Variants in ATP7B observed in about 807,000 individuals in gnomAD.
The protein encoded by ATP7B is ATPase copper transporting beta.
A neutral mutation model predicts 118.9 loss-of-function variants in ATP7B; 113 were observed. The ratio of observed to expected loss-of-function variants is 0.95; its 90% confidence interval spans 0.82 to 1.11. ATP7B has a LOEUF of 1.11. Among genes scored for constraint, ATP7B ranks in the 50% most tolerant of loss-of-function variants. ATP7B has a pLI of 0.00. For synonymous variants in ATP7B, 777 were observed against 727.4 expected (o/e 1.07, Z -1.10); for missense variants, 1,867 against 1,871.4 (o/e 1.00, Z 0.04).
chr13:51,975,489 T>C, intron 1 of ATP7B: 2 of 540,904 alleles, frequency 3.7e-6, no homozygotes, highest in Non-Finnish European at 7.3e-6. Flanking sequence ...ACGGCTGGCC[T>C]GCAGCAGAGG....
chr13:51,937,382 C>T lies in ATP7B; in HGVS notation c.3915G>A (p.Leu1305=). The T allele has an allele frequency of 6.2e-7, 1 of 1,614,236 alleles. No individual in the cohort carries two copies. The highest frequency in any genetic ancestry group is 1.6e-4 in the Middle Eastern group (1 of 6,062). The change falls in exon 19 of 21, where the codon CTG becomes CTA. Residue 1305 remains leucine, a synonymous_variant. Coordinates refer to ENST00000242839, the MANE Select transcript of ATP7B (RefSeq NM_000053.4). The part of the protein sequence containing the change: ...ADVVLIRNDL[L]DVVASIHLSK... The stretch of plus-strand genomic sequence containing the variant: ...AAAGGTGAATGCTAGCCACCACATC[C>T]AGCAAATCATTCTGATGGAGAGGAG...
intron 2 of ATP7B, among the ~76,000 whole-genome samples, chr13:51,972,617 C>A (rs1468140668): frequency 1.3e-5 from 2 of 152,184 alleles, no homozygotes; most frequent in African/African-American, 4.8e-5. Context: ...CGGCCTCCTA[C>A]GTGGTCTCAT....
intron 13 of ATP7B, among the ~76,000 whole-genome samples, chr13:51,945,544 G>A (rs1957592112): frequency 6.6e-6 from 1 of 152,170 alleles, no homozygotes; most frequent in Non-Finnish European, 1.5e-5. Flanking sequence ...ACCACCTGCA[G>A]CACCCTTGTC....
chr13:52,006,198 C>T (rs562507594), intron 1 of ATP7B, among the ~76,000 whole-genome samples: 46 of 152,210 alleles, frequency 3.0e-4, no homozygotes, highest in East Asian at 1.5e-3. Flanking sequence ...AATCTTTGTT[C>T]GGGGCTCTCA....
At chr13:52,011,582 G>A (rs995151076), upstream of ATP7B, 18 of 613,748 alleles carry the variant, frequency 2.9e-5, no homozygotes, top group South Asian at 2.4e-4. Context: ...CGACCTGGGG[G>A]CACGGGGATG....
At chr13:51,935,501 G>C (rs1326979505) in intron 20 of ATP7B, 92 bp downstream of exon 20, 18 of 1,344,678 alleles carry the variant, frequency 1.3e-5, no homozygotes, top group Non-Finnish European at 1.8e-5. Flanking sequence ...TGAATGAATG[G>C]GAAATGAGAG....
chr13:52,001,291 G>C (rs923887772), intron 1 of ATP7B, among the ~76,000 whole-genome samples: 1 of 152,154 alleles, frequency 6.6e-6, no homozygotes, highest in African/African-American at 2.4e-5. Context: ...ACCTATAAGA[G>C]GAAGTCACAA....
intron 9 of ATP7B, among the ~76,000 whole-genome samples, chr13:51,955,435 T>C (rs61957453): frequency 0.043 from 6,508 of 152,302 alleles, 217 homozygotes; most frequent in South Asian, 0.11. Flanking sequence ...TCTGGTCTTC[T>C]GGCCCCTAGC....
Position 51,935,672 on chromosome 13 carries a change from C to G in ATP7B, c.4045G>C (p.Val1349Leu), listed in dbSNP as rs374924611. Residue 1349 changes from valine to leucine, a missense_variant, in exon 20 of 21, where the codon GTG (valine) becomes CTG (leucine). By Grantham distance (32) the Val-to-Leu change is conservative. Transcript: ENST00000242839. ...GCTGAGCCCATCCAGGGCTGCAGCA[C>G]AATGCCGATGGGCATGAAGACACCT... ...AAGVFMPIGI[V>L]LQPWMGSAAM... The G allele has an allele frequency of 1.5e-5, 24 of 1,613,236 alleles. No homozygotes were observed. The African/African-American group carries it at 3.2e-4, about 22-fold the overall frequency.
chr13:51,997,625 T>C (rs1953274004), intron 1 of ATP7B, among the ~76,000 whole-genome samples: 1 of 152,166 alleles, frequency 6.6e-6, no homozygotes, highest in Admixed American at 6.5e-5. Context: ...CAGGAGTTTC[T>C]GAGGAGAGAA....
intron 1 of ATP7B, among the ~76,000 whole-genome samples, chr13:52,003,490 T>C (rs1261586368): frequency 6.6e-6 from 1 of 152,168 alleles, no homozygotes; most frequent in Non-Finnish European, 1.5e-5. Context: ...CAGATCACCG[T>C]AACAGATATA....
intron 5 of ATP7B, 131 bp downstream of exon 5, chr13:51,964,741 A>C (rs571514185): frequency 1.7e-6 from 2 of 1,143,770 alleles, no homozygotes; most frequent in African/African-American, 1.6e-5. Context: ...GACTGAGCTT[A>C]TTTCCATGGG....
At position 51,937,314 on chromosome 13, in the gene ATP7B, G is replaced by A. The variant is rs1593644515; in HGVS notation, c.3983C>T (p.Ala1328Val). The change falls in exon 19 of 21, where the codon GCA becomes GTA. Residue 1328 changes from alanine to valine, a missense_variant. Physicochemically the swap from Ala to Val is moderately conservative, Grantham distance 64. Coordinates refer to ENST00000242839, the MANE Select transcript of ATP7B (RefSeq NM_000053.4). ...VRRIRINLVL[A>V]LIYNLVGIPI... ...TATCCCAACCAGGTTATAAATCAGTGCCAGGACCAGGTTGATGCGTATCCT... is the reference window on the plus strand; with the variant it reads ...TATCCCAACCAGGTTATAAATCAGTACCAGGACCAGGTTGATGCGTATCCT... 1 of 1,614,198 alleles carries A rather than the reference G, an allele frequency of 6.2e-7. No homozygotes were observed.
chr13:51,970,035 CTT>C (rs755688954), intron 3 of ATP7B, among the ~76,000 whole-genome samples: 4 of 152,180 alleles, frequency 2.6e-5, no homozygotes, highest in Admixed American at 6.5e-5. Context: ...GAGGACAAAA[CTT>C]TGACATTTCC....
chr13:51,968,629 TG>T (rs748304721), intron 3 of ATP7B, 22 bp from the exon 4 acceptor site: 1 of 1,613,764 alleles, frequency 6.2e-7, no homozygotes, highest in Non-Finnish European at 8.5e-7. Flanking sequence ...AGGTCATGGC[TG>T]TAACACTCTG....
rs750894355 is a variant in ATP7B at position 51,934,735 on chromosome 13, C to A, written c.*21G>T. The A allele has an allele frequency of 1.2e-6, 2 of 1,611,652 alleles. No individual in the cohort carries two copies. Among genetic ancestry groups the A allele is most frequent in the African/African-American group, 2.7e-5 (2 of 74,908 alleles). Reference sequence around the variant, plus strand: ...GGTGAGTGGAGGCAAGTCCCTGCCCCGGCCCGCCTGCCTGAAGTCATCAGA... The same window carrying A: ...GGTGAGTGGAGGCAAGTCCCTGCCCAGGCCCGCCTGCCTGAAGTCATCAGA... On this transcript the variant is annotated 3_prime_UTR_variant, in exon 21 of 21. Coordinates refer to ENST00000242839, the MANE Select transcript of ATP7B (RefSeq NM_000053.4).
chr13:51,945,008 T>C (rs1957558057), intron 13 of ATP7B, among the ~76,000 whole-genome samples: 1 of 152,210 alleles, frequency 6.6e-6, no homozygotes, highest in African/African-American at 2.4e-5. Context: ...TCAGACCATG[T>C]CCCACAAGCA....
intron 5 of ATP7B, 179 bp downstream of exon 5, chr13:51,964,693 T>G: frequency 7.6e-6 from 5 of 654,378 alleles, no homozygotes; most frequent in Non-Finnish European, 1.0e-5. Context: ...CTCCCTCAGA[T>G]TATTTATTAT....
rs77707920 is a variant in ATP7B at position 51,951,703 on chromosome 13, G to A, written c.2448-1304C>T. ...AGGAAAATGAGAGTGGGGATGAGGA[G>A]GAGGAGGAGGGAGCACCCATCCAAC... On this transcript the variant is annotated intron_variant, in intron 9 of 20. Coordinates refer to ENST00000242839, the MANE Select transcript of ATP7B (RefSeq NM_000053.4). Among the ~76,000 whole-genome samples, 1,161 of 152,312 alleles carry A rather than the reference G, an allele frequency of 7.6e-3. 6 individuals are homozygous for A. Among genetic ancestry groups the A allele is most frequent in the African/African-American group, 0.025 (1,021 of 41,550 alleles).
Sources: gnomAD v4.1 joint callset for allele counts (sites outside exome capture counted in the v4.1 genomes callset) on GRCh38, gnomAD v4.1.1 for gene constraint, MANE v1.5 for transcripts, NCBI Gene and HGNC (gene_info 2026-07-23, HGNC 2026-07-21) for gene names.